Variants in CDKAL1 observed in about 807,000 individuals in gnomAD.
CDKAL1 encodes CDKAL1 threonylcarbamoyladenosine tRNA methylthiotransferase.
A neutral mutation model predicts 68.2 loss-of-function variants in CDKAL1; 32 were observed. The observed-to-expected ratio is 0.47, with a 90% CI of 0.35 to 0.63. CDKAL1 has a LOEUF of 0.63. CDKAL1 is among the 30% of genes least tolerant of loss of function. The pLI, the probability that CDKAL1 is intolerant of heterozygous loss-of-function variation, is 0.00. For synonymous variants in CDKAL1, 234 were observed against 244.3 expected (o/e 0.96, Z 0.39); for missense variants, 606 against 696.7 (o/e 0.87, Z 1.47).
At chr6:20,585,895 A>G (rs1408887888) in intron 4 of CDKAL1, among the ~76,000 whole-genome samples, 1 of 151,850 alleles carries the variant, frequency 6.6e-6, no homozygotes, top group Non-Finnish European at 1.5e-5. Flanking sequence ...CTCTGCTTAC[A>G]TATCATCTGA....
At chr6:21,209,209 C>A (rs1003777083) in intron 15 of CDKAL1, among the ~76,000 whole-genome samples, 1 of 151,274 alleles carries the variant, frequency 6.6e-6, no homozygotes, top group African/African-American at 2.5e-5. Context: ...TACAGCTGTA[C>A]ACACCCACAT....
intron 13 of CDKAL1, among the ~76,000 whole-genome samples, chr6:21,122,411 G>A (rs1774770046): frequency 6.6e-6 from 1 of 151,966 alleles, no homozygotes; most frequent in Non-Finnish European, 1.5e-5. Flanking sequence ...AAGAGTATGG[G>A]CTTTAAGAAA....
At position 21,116,501 on chromosome 6, in the gene CDKAL1, G is replaced by A. The variant is rs376935777; in HGVS notation, c.1299+8038G>A. ...GCTAGTAAATTACAGAGCAGTATACGTGGAGATGGGAAAATGGCAGCAGGG... is the reference window on the plus strand; with the variant it reads ...GCTAGTAAATTACAGAGCAGTATACATGGAGATGGGAAAATGGCAGCAGGG... On this transcript the variant is annotated intron_variant, in intron 13 of 15. Coordinates refer to ENST00000274695, the MANE Select transcript of CDKAL1 (RefSeq NM_017774.3). Among the ~76,000 whole-genome samples, 8 of 152,256 alleles carry A rather than the reference G, an allele frequency of 5.3e-5. No homozygotes were observed. In the East Asian group the frequency reaches 7.7e-4, roughly 15 times the overall value.
intron 5 of CDKAL1, among the ~76,000 whole-genome samples, chr6:20,685,392 G>A (rs796747320): frequency 1.0e-3 from 154 of 152,268 alleles, no homozygotes; most frequent in African/African-American, 3.6e-3. Context: ...ACATTGTCTT[G>A]ATTATTGTTG....
chr6:20,600,131 G>A (rs2127711241), intron 4 of CDKAL1, among the ~76,000 whole-genome samples: 1 of 152,164 alleles, frequency 6.6e-6, no homozygotes, highest in Admixed American at 6.5e-5. Flanking sequence ...ACTTTATATT[G>A]GCTCTTGCTT....
intron 9 of CDKAL1, among the ~76,000 whole-genome samples, chr6:20,908,249 G>C (rs958582796): frequency 6.6e-6 from 1 of 152,126 alleles, no homozygotes; most frequent in Non-Finnish European, 1.5e-5. Context: ...AAAGGTTAAT[G>C]TATTTTTCAC....
chr6:20,721,321 A>G (rs912441186), intron 5 of CDKAL1, among the ~76,000 whole-genome samples: 3 of 152,170 alleles, frequency 2.0e-5, no homozygotes, highest in Admixed American at 6.5e-5. Flanking sequence ...ATAGTATTCC[A>G]TGGCTTTTAT....
chr6:21,125,568 A>G (rs1774962717), intron 13 of CDKAL1, among the ~76,000 whole-genome samples: 1 of 152,148 alleles, frequency 6.6e-6, no homozygotes, highest in Admixed American at 6.5e-5. Flanking sequence ...GCTACTCGGG[A>G]GGCTGAGGCA....
At chr6:20,622,818 A>G (rs549029483) in intron 4 of CDKAL1, among the ~76,000 whole-genome samples, 57 of 152,094 alleles carry the variant, frequency 3.7e-4, no homozygotes, top group African/African-American at 1.3e-3. Flanking sequence ...ACATTTAAGT[A>G]CAGTTGTAAT....
chr6:20,590,414 T>A (rs2127699807), intron 4 of CDKAL1, among the ~76,000 whole-genome samples: 1 of 152,246 alleles, frequency 6.6e-6, no homozygotes, highest in African/African-American at 2.4e-5. Flanking sequence ...GCAGGTTTGT[T>A]CAAAACATAG....
intron 12 of CDKAL1, among the ~76,000 whole-genome samples, chr6:21,073,943 C>A (rs1289173786): frequency 1.3e-5 from 2 of 152,184 alleles, no homozygotes; most frequent in African/African-American, 4.8e-5. Context: ...CCTAGGCCAA[C>A]TTGTGAAGCT....
At chr6:21,197,157 C>CA (rs879704581) in intron 13 of CDKAL1, among the ~76,000 whole-genome samples, 196 of 140,080 alleles carry the variant, frequency 1.4e-3, no homozygotes, top group Admixed American at 2.4e-3. Context: ...GACTCTGTCT[C>CA]AAAAAAAAAA....
At chr6:20,618,209 C>T (rs767489783) in intron 4 of CDKAL1, among the ~76,000 whole-genome samples, 4 of 152,126 alleles carry the variant, frequency 2.6e-5, no homozygotes, top group Admixed American at 6.6e-5. Flanking sequence ...GCTGCATAAA[C>T]GTCTTCTTTT....
Position 20,543,015 on chromosome 6 carries a change from C to G in CDKAL1, c.-5-3331C>G, listed in dbSNP as rs144018513. Among the ~76,000 whole-genome samples the G allele has an allele frequency of 8.4e-4, 128 of 152,304 alleles. 2 individuals carry two copies. The East Asian group carries it at 0.024, about 28-fold the overall frequency. On this transcript the variant is annotated intron_variant, in intron 2 of 15. Coordinates refer to ENST00000274695, the MANE Select transcript of CDKAL1 (RefSeq NM_017774.3). The stretch of plus-strand genomic sequence containing the variant: ...GTCATTAGTACATTTCTTTTTATTG[C>G]TCAATAGTGTTCCATGGTATGGATG...
chr6:20,966,207 C>A (rs4712573), intron 10 of CDKAL1, among the ~76,000 whole-genome samples: 69,907 of 152,024 alleles, frequency 0.46, 17,890 homozygotes, highest in East Asian at 0.64. Context: ...TTCTAAGATA[C>A]TAAATTGTTG....
intron 12 of CDKAL1, among the ~76,000 whole-genome samples, chr6:21,083,266 T>G (rs1272268113): frequency 1.3e-5 from 2 of 152,244 alleles, no homozygotes; most frequent in African/African-American, 2.4e-5. Flanking sequence ...GAATGCATTT[T>G]AACTGCAACT....
At chr6:20,863,827 T>C (rs1202158917) in intron 9 of CDKAL1, among the ~76,000 whole-genome samples, 2 of 152,194 alleles carry the variant, frequency 1.3e-5, no homozygotes, top group African/African-American at 2.4e-5. Flanking sequence ...TGAAGAAAAC[T>C]GGAATTAAAA....
chr6:20,996,186 A>T (rs1235393570), intron 10 of CDKAL1, among the ~76,000 whole-genome samples: 1 of 152,214 alleles, frequency 6.6e-6, no homozygotes, highest in Non-Finnish European at 1.5e-5. Flanking sequence ...GGCTGGTTTG[A>T]TCATCTATCC....
chr6:20,770,680 A>T (rs1437520204), intron 7 of CDKAL1, among the ~76,000 whole-genome samples: 2 of 152,114 alleles, frequency 1.3e-5, no homozygotes, highest in Non-Finnish European at 2.9e-5. Flanking sequence ...GAGCATTTTC[A>T]TTTTTGAAGG....
Sources: allele counts gnomAD v4.1 joint callset (sites outside exome capture counted in the v4.1 genomes callset), GRCh38; gene constraint gnomAD v4.1.1; transcripts MANE v1.5; gene names NCBI Gene and HGNC (gene_info 2026-07-23, HGNC 2026-07-21).